Variants in LAMA2 observed in about 807,000 individuals in gnomAD.
The protein encoded by LAMA2 is laminin subunit alpha-2.
A neutral mutation model predicts 364.8 loss-of-function variants in LAMA2; 269 were observed. The ratio of observed to expected loss-of-function variants is 0.74; its 90% confidence interval spans 0.67 to 0.82. LAMA2 has a LOEUF of 0.82. LAMA2 is among the 40% of genes least tolerant of loss of function. The pLI is 0.00. For missense variants in LAMA2, 3,807 were observed against 3,873.2 expected (o/e 0.98, Z 0.45); for synonymous variants, 1,379 against 1,370.6 (o/e 1.01, Z -0.14).
At chr6:129,441,211 AT>A in intron 43 of LAMA2, among the ~76,000 whole-genome samples, 1 of 152,130 alleles carries the variant, frequency 6.6e-6, no homozygotes, top group South Asian at 2.1e-4. Context: ...TTCCTCTGAA[AT>A]TTTTCCAGTT....
intron 40 of LAMA2, among the ~76,000 whole-genome samples, chr6:129,409,143 A>C (rs534438434): frequency 6.6e-6 from 1 of 152,294 alleles, no homozygotes; most frequent in African/African-American, 2.4e-5. Context: ...CCTGCTCAAA[A>C]TTCTGCCCCC....
Position 129,073,342 on chromosome 6 carries a change from C to G in LAMA2, c.396+13446C>G, listed in dbSNP as rs547828715. On this transcript the variant is annotated intron_variant, in intron 3 of 64. Coordinates refer to ENST00000421865, the MANE Select transcript of LAMA2 (RefSeq NM_000426.4). ...GTGTTCAGGGGTTTACCACAATGTACTTAGGAATGATTTTATTGGTATTAA... is the reference window on the plus strand; with the variant it reads ...GTGTTCAGGGGTTTACCACAATGTAGTTAGGAATGATTTTATTGGTATTAA... Among the ~76,000 whole-genome samples, 6 of 152,080 alleles carry G rather than the reference C, an allele frequency of 3.9e-5. No homozygotes were observed. In the South Asian group the frequency reaches 6.2e-4, roughly 16 times the overall value.
intron 1 of LAMA2, among the ~76,000 whole-genome samples, chr6:128,896,325 G>T (rs1776769240): frequency 1.3e-5 from 2 of 151,590 alleles, no homozygotes; most frequent in Admixed American, 1.3e-4. Flanking sequence ...TTGTTAGGAG[G>T]TGTTCAATGT....
chr6:129,499,282 A>ATTGT (rs1785440412), intron 58 of LAMA2, among the ~76,000 whole-genome samples: 1 of 151,868 alleles, frequency 6.6e-6, no homozygotes, highest in East Asian at 1.9e-4. Context: ...TTTTATTATT[A>ATTGT]TTGTTGTTTT....
chr6:128,909,566 C>T (rs1468720116), intron 1 of LAMA2, among the ~76,000 whole-genome samples: 2 of 148,242 alleles, frequency 1.3e-5, no homozygotes, highest in Non-Finnish European at 3.0e-5. Context: ...ATACAGCACA[C>T]TGATGGGTCT....
intron 41 of LAMA2, among the ~76,000 whole-genome samples, chr6:129,437,270 C>T (rs1246205092): frequency 1.3e-5 from 2 of 152,080 alleles, no homozygotes; most frequent in African/African-American, 4.8e-5. Context: ...GTCTCAATTT[C>T]CTCATTTGTA....
Position 129,415,473 on chromosome 6 carries a change from A to G in LAMA2, c.5865+11514A>G, listed in dbSNP as rs571113738. 4.6e-5 allele frequency among the ~76,000 whole-genome samples: 7 copies of G among 152,054 alleles called. No homozygotes were observed. In the South Asian group the frequency reaches 6.2e-4, roughly 14 times the overall value. On this transcript the variant is annotated intron_variant, in intron 40 of 64. Transcript: ENST00000421865. The stretch of plus-strand genomic sequence containing the variant: ...GCCTGGCCTTCTCCAAATTTTTTCT[A>G]TCTCCTTGCTGGCATATACCCTATA...
chr6:129,021,675 G>A (rs565718621), intron 1 of LAMA2, among the ~76,000 whole-genome samples: 1 of 152,278 alleles, frequency 6.6e-6, no homozygotes, highest in Non-Finnish European at 1.5e-5. Flanking sequence ...ATTATCCCAG[G>A]AGGAGACTGT....
intron 1 of LAMA2, among the ~76,000 whole-genome samples, chr6:128,945,245 T>G (rs1780418388): frequency 6.6e-6 from 1 of 152,234 alleles, no homozygotes; most frequent in South Asian, 2.1e-4. Context: ...CTTTTTCCTC[T>G]GGTGACCATC....
At chr6:128,922,946 C>T (rs1293756984) in intron 1 of LAMA2, among the ~76,000 whole-genome samples, 2 of 151,916 alleles carry the variant, frequency 1.3e-5, no homozygotes, top group Non-Finnish European at 2.9e-5. Flanking sequence ...GTTTTCCCAG[C>T]ACCATTTATT....
chr6:129,402,515 G>C, intron 39 of LAMA2, 28 bp downstream of exon 39: 1 of 1,609,770 alleles, frequency 6.2e-7, no homozygotes, highest in Non-Finnish European at 8.5e-7. Context: ...GGAAATGTTT[G>C]TGTATTTTGA....
intron 22 of LAMA2, among the ~76,000 whole-genome samples, chr6:129,309,378 A>C (rs934455984): frequency 1.3e-5 from 2 of 152,246 alleles, no homozygotes; most frequent in Non-Finnish European, 2.9e-5. Context: ...TAACTTCCTG[A>C]ATAAACTTCC....
At chr6:129,400,705 TG>T (rs1429906626) in intron 37 of LAMA2, among the ~76,000 whole-genome samples, 37 of 152,256 alleles carry the variant, frequency 2.4e-4, no homozygotes, top group African/African-American at 8.9e-4. Flanking sequence ...TATTCTCTCA[TG>T]AAACAGTCCA....
chr6:129,248,853 G>A (rs1356499520), intron 12 of LAMA2, among the ~76,000 whole-genome samples: 1 of 152,026 alleles, frequency 6.6e-6, no homozygotes, highest in Non-Finnish European at 1.5e-5. Context: ...TTCCACATAG[G>A]TTCACCCCTC....
chr6:129,049,794 T>C (rs1011916719), intron 1 of LAMA2, 124 bp from the exon 2 acceptor site: 34 of 778,680 alleles, frequency 4.4e-5, no homozygotes, highest in Non-Finnish European at 1.4e-5. Flanking sequence ...TATTTATCAT[T>C]AATTATCTCA....
intron 19 of LAMA2, among the ~76,000 whole-genome samples, chr6:129,288,801 A>G (rs1471753845): frequency 6.6e-6 from 1 of 152,196 alleles, no homozygotes; most frequent in Non-Finnish European, 1.5e-5. Context: ...CAGAAGATCA[A>G]ATGGAAAGTG....
intron 58 of LAMA2, among the ~76,000 whole-genome samples, chr6:129,502,443 C>T (rs1785718856): frequency 6.6e-6 from 1 of 152,142 alleles, no homozygotes; most frequent in African/African-American, 2.4e-5. Context: ...TGAGCACATT[C>T]CTTTAGCCAT....
intron 1 of LAMA2, among the ~76,000 whole-genome samples, chr6:128,925,098 C>G (rs989669498): frequency 1.3e-5 from 2 of 152,088 alleles, no homozygotes; most frequent in Non-Finnish European, 2.9e-5. Context: ...TCATGGAAAA[C>G]AGTATGGAGG....
intron 15 of LAMA2, among the ~76,000 whole-genome samples, chr6:129,262,160 T>TA (rs1787182495): frequency 6.6e-6 from 1 of 152,196 alleles, no homozygotes; most frequent in South Asian, 2.1e-4. Context: ...GCTATGCTTT[T>TA]AGTCTCTTCC....
Sources: gnomAD v4.1 joint callset for allele counts (sites outside exome capture counted in the v4.1 genomes callset) on GRCh38, gnomAD v4.1.1 for gene constraint, MANE v1.5 for transcripts, NCBI Gene and HGNC (gene_info 2026-07-23, HGNC 2026-07-21) for gene names.